ADGRL3: variants seen among roughly 807,000 people sequenced by gnomAD.
The protein encoded by ADGRL3 is adhesion G protein-coupled receptor L3, also known as calcium-independent alpha-latrotoxin receptor 3.
In ADGRL3, 62 loss-of-function variants were observed where a neutral mutation model predicts 153.5. The observed-to-expected ratio is 0.40, with a 90% CI of 0.33 to 0.50. The LOEUF is 0.50. Among genes scored for constraint, ADGRL3 ranks in the 20% least tolerant of loss-of-function variants. ADGRL3 has a pLI of 0.47. For missense variants in ADGRL3, 1,641 were observed against 1,859.4 expected, an observed-to-expected ratio of 0.88 and a Z score of 2.16; for synonymous variants, 710 against 672.5, an observed-to-expected ratio of 1.06 and a Z score of -0.86.
chr4:61,436,942 T>C (rs996463258), intron 2 of ADGRL3, among the ~76,000 whole-genome samples: 1 of 151,936 alleles, frequency 6.6e-6, no homozygotes, highest in African/African-American at 2.4e-5. Context: ...GATCAGCCCA[T>C]AGGTAATAGA....
intron 6 of ADGRL3, among the ~76,000 whole-genome samples, chr4:61,696,644 A>G (rs1345020243): frequency 2.8e-5 from 4 of 144,060 alleles, no homozygotes; most frequent in Non-Finnish European, 6.1e-5. Context: ...TAGGTGATAC[A>G]TTCCCTAAGT....
chr4:61,313,079 G>A (rs943120126), intron 1 of ADGRL3, among the ~76,000 whole-genome samples: 4 of 152,132 alleles, frequency 2.6e-5, no homozygotes, highest in Non-Finnish European at 5.9e-5. Context: ...AAAAAGACAT[G>A]GGGACATCCT....
intron 1 of ADGRL3, among the ~76,000 whole-genome samples, chr4:61,319,581 T>G (rs938003812): frequency 4.6e-5 from 7 of 152,152 alleles, no homozygotes; most frequent in Non-Finnish European, 8.8e-5. Flanking sequence ...ATCAATGGCC[T>G]TAGATCGAAG....
chr4:61,227,399 G>A (rs1748480112), intron 1 of ADGRL3, among the ~76,000 whole-genome samples: 1 of 152,094 alleles, frequency 6.6e-6, no homozygotes, highest in South Asian at 2.1e-4. Context: ...TGTGGTGATA[G>A]GTTCTCCCTG....
At chr4:61,662,542 G>T (rs2094633288) in intron 5 of ADGRL3, among the ~76,000 whole-genome samples, 1 of 152,236 alleles carries the variant, frequency 6.6e-6, no homozygotes, top group Non-Finnish European at 1.5e-5. Context: ...GGAGGCCAAA[G>T]GTGGGGGCTG....
At chr4:61,493,694 ATCCATGCTGT>A (rs1253784224) in intron 2 of ADGRL3, among the ~76,000 whole-genome samples, 1 of 152,088 alleles carries the variant, frequency 6.6e-6, no homozygotes, top group East Asian at 1.9e-4. Flanking sequence ...TGCCTCATGT[ATCCATGCTGT>A]TCCGGGTTCT....
At chr4:61,897,189 A>T (rs1157071808) in intron 11 of ADGRL3, among the ~76,000 whole-genome samples, 1 of 152,168 alleles carries the variant, frequency 6.6e-6, no homozygotes, top group Non-Finnish European at 1.5e-5. Context: ...TTGTAAAAAA[A>T]TACCTCCTAT....
At chr4:61,770,987 G>A (rs1232027484) in intron 8 of ADGRL3, among the ~76,000 whole-genome samples, 1 of 152,110 alleles carries the variant, frequency 6.6e-6, no homozygotes, top group African/African-American at 2.4e-5. Context: ...ATCAAAGAGT[G>A]AGTGGAGCAG....
chr4:61,375,830 G>T (rs1434413773), intron 1 of ADGRL3, among the ~76,000 whole-genome samples: 1 of 152,018 alleles, frequency 6.6e-6, no homozygotes, highest in Non-Finnish European at 1.5e-5. Context: ...AGAAGCAATA[G>T]CAATCAGTGT....
At chr4:61,522,011 T>C (rs2098534246) in intron 4 of ADGRL3, among the ~76,000 whole-genome samples, 1 of 152,142 alleles carries the variant, frequency 6.6e-6, no homozygotes, top group African/African-American at 2.4e-5. Context: ...CCAGATGTGA[T>C]AAGATGTCCA....
intron 8 of ADGRL3, among the ~76,000 whole-genome samples, chr4:61,793,559 CA>C (rs2097370649): frequency 6.6e-6 from 1 of 152,132 alleles, no homozygotes; most frequent in Non-Finnish European, 1.5e-5. Flanking sequence ...GTGAGAATTA[CA>C]ATTCAAGATG....
intron 6 of ADGRL3, among the ~76,000 whole-genome samples, chr4:61,698,657 A>G (rs781083199): frequency 4.6e-5 from 7 of 152,132 alleles, no homozygotes; most frequent in Non-Finnish European, 7.3e-5. Flanking sequence ...AAGTGTTAGT[A>G]ATTTGTGAGT....
At chr4:61,207,088 A>G (rs560559687) in intron 1 of ADGRL3, among the ~76,000 whole-genome samples, 14 of 152,108 alleles carry the variant, frequency 9.2e-5, no homozygotes, top group East Asian at 1.9e-4. Context: ...TCTGGAATAC[A>G]TGTGCAGATG....
intron 4 of ADGRL3, among the ~76,000 whole-genome samples, chr4:61,536,967 G>C (rs1193647802): frequency 6.6e-6 from 1 of 152,028 alleles, no homozygotes; most frequent in African/African-American, 2.4e-5. Flanking sequence ...TAACTGCTTT[G>C]ATAAGATCTG....
intron 2 of ADGRL3, among the ~76,000 whole-genome samples, chr4:61,459,169 C>A (rs1445224536): frequency 6.6e-6 from 1 of 151,534 alleles, no homozygotes; most frequent in African/African-American, 2.4e-5. Context: ...GTAAACTATT[C>A]TTGTATTCCA....
chr4:61,601,272 C>T (rs2099010501), intron 5 of ADGRL3, among the ~76,000 whole-genome samples: 1 of 152,144 alleles, frequency 6.6e-6, no homozygotes, highest in Admixed American at 6.5e-5. Context: ...ACAGGGAACA[C>T]CCATTCCTTT....
At chr4:61,327,194 A>AAT (rs2095482484) in intron 1 of ADGRL3, among the ~76,000 whole-genome samples, 1 of 151,950 alleles carries the variant, frequency 6.6e-6, no homozygotes, top group African/African-American at 2.4e-5. Flanking sequence ...CGGGCTTGCT[A>AAT]ATATAATGCT....
At chr4:61,620,282 A>T (rs1368352392) in intron 5 of ADGRL3, among the ~76,000 whole-genome samples, 2 of 152,168 alleles carry the variant, frequency 1.3e-5, no homozygotes, top group African/African-American at 4.8e-5. Context: ...AGGACAGGCG[A>T]TAATAGCTAG....
chr4:61,424,645 A>G (rs1293747853), intron 2 of ADGRL3, among the ~76,000 whole-genome samples: 1 of 152,186 alleles, frequency 6.6e-6, no homozygotes, highest in Non-Finnish European at 1.5e-5. Flanking sequence ...CTATAAGGGC[A>G]CAGATGCCAC....
Sources: gnomAD v4.1 joint callset for allele counts (sites outside exome capture counted in the v4.1 genomes callset) on GRCh38, gnomAD v4.1.1 for gene constraint, MANE v1.5 for transcripts, NCBI Gene and HGNC (gene_info 2026-07-23, HGNC 2026-07-21) for gene names.